Variants in NOX4 observed in about 807,000 individuals in gnomAD.
The protein encoded by NOX4 is NADPH oxidase 4, also known as kidney oxidase-1.
A neutral mutation model predicts 87.6 loss-of-function variants in NOX4; 69 were observed. The observed-to-expected ratio is 0.79, with a 90% CI of 0.65 to 0.96. The LOEUF (loss-of-function observed/expected upper bound fraction) is 0.96, where lower values mean the gene tolerates loss of function less well. NOX4 is among the 40% of genes least tolerant of loss of function. The pLI, the probability that NOX4 is intolerant of heterozygous loss-of-function variation, is 0.00. For missense variants in NOX4, 680 were observed against 681.5 expected, an observed-to-expected ratio of 1.00 and a Z score of 0.02; for synonymous variants, 275 against 238.2, an observed-to-expected ratio of 1.15 and a Z score of -1.42.
chr11:89,372,204 C>T (rs1939498634), intron 12 of NOX4, among the ~76,000 whole-genome samples: 1 of 151,766 alleles, frequency 6.6e-6, no homozygotes, highest in South Asian at 2.1e-4. Context: ...TTCCCCTCTG[C>T]CTTTAAGTAC....
At chr11:89,390,797 C>A (rs1941068032) in intron 11 of NOX4, among the ~76,000 whole-genome samples, 1 of 152,206 alleles carries the variant, frequency 6.6e-6, no homozygotes, top group South Asian at 2.1e-4. Context: ...TTCTAAAGAC[C>A]TTTGCCATAG....
chr11:89,439,176 T>G (rs976962194), intron 6 of NOX4, among the ~76,000 whole-genome samples: 15 of 149,976 alleles, frequency 1.0e-4, no homozygotes, highest in African/African-American at 3.2e-4. Flanking sequence ...AGGCTTCAAT[T>G]AAACTTTATG....
the NOX4 span, among the ~76,000 whole-genome samples, chr11:89,518,532 G>A: frequency 2.0e-5 from 3 of 152,050 alleles, no homozygotes; most frequent in Admixed American, 1.3e-4. Flanking sequence ...ATAGTCATCT[G>A]CATGTTCTTT....
the NOX4 span, among the ~76,000 whole-genome samples, chr11:89,518,203 A>C: frequency 6.6e-6 from 1 of 152,088 alleles, no homozygotes; most frequent in African/African-American, 2.4e-5. Flanking sequence ...AGAAAAATTA[A>C]ACCTATTTTT....
the NOX4 span, among the ~76,000 whole-genome samples, chr11:89,518,184 G>T: frequency 6.6e-6 from 1 of 151,822 alleles, no homozygotes; most frequent in African/African-American, 2.4e-5. Context: ...GTAAAGAATA[G>T]AAATAAAAAG....
At chr11:89,408,508 A>T (rs1942306728) in intron 8 of NOX4, among the ~76,000 whole-genome samples, 1 of 152,182 alleles carries the variant, frequency 6.6e-6, no homozygotes, top group South Asian at 2.1e-4. Flanking sequence ...TAAACTACAG[A>T]TCCAGTGTGC....
intron 11 of NOX4, among the ~76,000 whole-genome samples, chr11:89,390,711 G>A (rs928356279): frequency 7.9e-5 from 12 of 152,126 alleles, no homozygotes; most frequent in African/African-American, 2.7e-4. Context: ...GAGAATAAGG[G>A]AGGTGAGGTG....
At chr11:89,452,314 C>T (rs61156511) in intron 2 of NOX4, among the ~76,000 whole-genome samples, 3,106 of 152,206 alleles carry the variant, frequency 0.02, 112 homozygotes, top group African/African-American at 0.07. Context: ...CATGTGTTCT[C>T]TCTCTCTGGA....
the NOX4 span, among the ~76,000 whole-genome samples, chr11:89,519,868 T>G: frequency 6.6e-6 from 1 of 152,100 alleles, no homozygotes; most frequent in African/African-American, 2.4e-5. Flanking sequence ...CTAACTCTTT[T>G]CTGCTACAGG....
chr11:89,556,861 C>T, the NOX4 span: 1 of 152,082 alleles, frequency 6.6e-6, no homozygotes, highest in Admixed American at 6.6e-5. Context: ...AATCTCTTGG[C>T]ACCATTATGA....
At chr11:89,475,109 T>C (rs893013696) in intron 2 of NOX4, among the ~76,000 whole-genome samples, 1 of 152,014 alleles carries the variant, frequency 6.6e-6, no homozygotes, top group Non-Finnish European at 1.5e-5. Flanking sequence ...ATAAATCTAA[T>C]GTGATATTTA....
At chr11:89,512,772 C>T in the NOX4 span, among the ~76,000 whole-genome samples, 1 of 152,040 alleles carries the variant, frequency 6.6e-6, no homozygotes, top group African/African-American at 2.4e-5. Flanking sequence ...ATTCTTCCCC[C>T]ACCTTTGCCA....
chr11:89,328,664 G>A (rs192967827), intron 17 of NOX4, among the ~76,000 whole-genome samples: 52 of 152,194 alleles, frequency 3.4e-4, no homozygotes, highest in Admixed American at 2.6e-3. Context: ...GAGTGTTATG[G>A]GCTGAAGTCT....
chr11:89,551,047 T>C, the NOX4 span, among the ~76,000 whole-genome samples: 1 of 152,232 alleles, frequency 6.6e-6, no homozygotes, highest in Non-Finnish European at 1.5e-5. Flanking sequence ...GGGAATCCTT[T>C]CCCCATTGCT....
rs192630959 is a variant in NOX4 at position 89,417,125 on chromosome 11, T to C, written c.629+4777A>G. Reference sequence around the variant, plus strand: ...CTAAAGCCAGTGGGAGTGTTGACTATGGTAAGACTGCAGAAGCTAAGGTGC... The same window carrying C: ...CTAAAGCCAGTGGGAGTGTTGACTACGGTAAGACTGCAGAAGCTAAGGTGC... On this transcript the variant is annotated intron_variant, in intron 8 of 17. Transcript: ENST00000263317. Among the ~76,000 whole-genome samples the C allele has an allele frequency of 2.6e-5, 4 of 152,246 alleles. 1 individual carries two copies. Among genetic ancestry groups the C allele is most frequent in the East Asian group, 3.9e-4 (2 of 5,166 alleles).
At chr11:89,426,495 G>A (rs1943422789) in intron 7 of NOX4, among the ~76,000 whole-genome samples, 1 of 151,982 alleles carries the variant, frequency 6.6e-6, no homozygotes, top group Non-Finnish European at 1.5e-5. Context: ...GTGACAGATG[G>A]CACCTGGAAA....
intron 6 of NOX4, among the ~76,000 whole-genome samples, chr11:89,439,944 C>G (rs1277664923): frequency 6.6e-6 from 1 of 152,072 alleles, no homozygotes; most frequent in Non-Finnish European, 1.5e-5. Flanking sequence ...AAAAGTTGCA[C>G]TAAATTACTG....
At chr11:89,430,642 T>G (rs1042363228) in intron 7 of NOX4, among the ~76,000 whole-genome samples, 7 of 152,124 alleles carry the variant, frequency 4.6e-5, no homozygotes, top group African/African-American at 1.7e-4. Context: ...GAATCCAACT[T>G]ACAAGGGATG....
the NOX4 span, among the ~76,000 whole-genome samples, chr11:89,506,892 G>A: frequency 6.6e-6 from 1 of 151,906 alleles, no homozygotes; most frequent in Non-Finnish European, 1.5e-5. Context: ...CTATCAGAAT[G>A]GCTAAGATTA....
Sources: allele counts gnomAD v4.1 joint callset (sites outside exome capture counted in the v4.1 genomes callset), GRCh38; gene constraint gnomAD v4.1.1; transcripts MANE v1.5; gene names NCBI Gene and HGNC (gene_info 2026-07-23, HGNC 2026-07-21).